The following MUC5AC variants were observed in gnomAD, a reference collection of about 807,000 sequenced individuals.
The protein encoded by MUC5AC is mucin-5AC.
A neutral mutation model predicts 169.7 loss-of-function variants in MUC5AC; 158 were observed. The ratio of observed to expected loss-of-function variants is 0.93; its 90% CI spans 0.82 to 1.06. The LOEUF is 1.06. MUC5AC is among the 50% of genes least tolerant of loss of function. The probability of loss-of-function intolerance (pLI) is 0.00; values close to 1 mark genes in which losing one functional copy is unlikely to be tolerated. For synonymous variants in MUC5AC, 1,975 were observed against 1,237.0 expected, an observed-to-expected ratio of 1.60 and a Z score of -12.52; for missense variants, 4,359 against 3,089.9, an observed-to-expected ratio of 1.41 and a Z score of -9.74.
rs1379216338 is a variant in MUC5AC at position 1,182,335 on chromosome 11, G to C, written c.4190G>C (p.Arg1397Pro). 2.5e-6 allele frequency: 1 copy of C among 398,466 alleles called. No individual in the cohort carries two copies. The highest frequency in any genetic ancestry group is 4.4e-6 in the Non-Finnish European group (1 of 226,022). 24.7% of individuals were successfully genotyped at this position (398,466 alleles called of 1,614,324 possible). The change falls in exon 31 of 49, where the codon CGC becomes CCC. Residue 1397 changes from arginine (R) to proline (P), a missense_variant. Coordinates refer to ENST00000621226, the MANE Select transcript of MUC5AC (RefSeq NM_001304359.2). ...CLWSPWMDVS[R>P]PGRGTDSGDF... ...TGGTCGCCATGGATGGATGTCAGCC[G>C]CCCTGGACGGGGCACGGACAGCGGT...
At position 1,192,416 on chromosome 11, in the gene MUC5AC, C is replaced by G; in HGVS notation, c.14271C>G (p.Ser4757=). ...LYPSLSTSMV[S]ASVASTSVAS... ...CTTCCCTGTCTACTTCCATGGTATC[C>G]GCCTCCGTGGCATCCACCTCTGTGG... The change falls in exon 31 of 49, where the codon TCC becomes TCG. Residue 4757 remains serine (S), a synonymous_variant. Transcript: ENST00000621226. 1 of 765,150 alleles carries G rather than the reference C, an allele frequency of 1.3e-6. No individual in the cohort carries two copies. The highest frequency in any genetic ancestry group is 2.4e-6 in the Non-Finnish European group (1 of 417,906). 47.4% of individuals were successfully genotyped at this position (765,150 alleles called of 1,614,324 possible).
In MUC5AC at chr11:1,198,919, G is replaced by A; in HGVS notation, c.16219G>A (p.Glu5407Lys). 1 of 760,068 alleles carries A rather than the reference G, an allele frequency of 1.3e-6. No individual in the cohort carries two copies. The highest frequency in any genetic ancestry group is 1.7e-5 in the African/African-American group (1 of 59,038). 47.1% of individuals were successfully genotyped at this position (760,068 alleles called of 1,614,324 possible). A position where few individuals can be genotyped will look rare whatever the true frequency, so the allele number is the denominator to read the frequency against. ...SSSLCETCRCELPGGPPSDAF... is the reference protein window; with the variant it reads ...SSSLCETCRCKLPGGPPSDAF... ...GAGCCTGTGCGAAACCTGCAGGTGT[G>A]AGCTGCCGGGTGGCCCCCCATCGGA... Residue 5407 changes from glutamate (E) to lysine (K), a missense_variant, in exon 44 of 49, where the codon GAG becomes AAG. Glu to Lys is a moderately conservative substitution (Grantham distance 56). Transcript: ENST00000621226.
chr11:1,191,943 A>G lies in MUC5AC; in HGVS notation c.13798A>G (p.Ser4600Gly). The G allele has an allele frequency of 1.3e-6, 1 of 765,276 alleles. No homozygotes were observed. Among genetic ancestry groups the G allele is most frequent in the South Asian group, 1.3e-5 (1 of 74,612 alleles). The allele number at this position is 765,276 out of a possible 1,614,324, so 47.4% of individuals were successfully genotyped here. Reference sequence around the variant, plus strand: ...TACTCCCAGCCCCGTTCCCACCACCAGCACAACCCCTGTTTCAAAGACCAG... The same window carrying G: ...TACTCCCAGCCCCGTTCCCACCACCGGCACAACCCCTGTTTCAAAGACCAG... ...GTTPSPVPTT[S>G]TTPVSKTSTS... Residue 4600 changes from serine (S) to glycine (G), a missense_variant, in exon 31 of 49, where the codon AGC becomes GGC. Coordinates refer to ENST00000621226, the MANE Select transcript of MUC5AC (RefSeq NM_001304359.2).
Position 1,200,759 on chromosome 11 carries a change from C to T in MUC5AC, c.*57C>T, listed in dbSNP as rs3087562. On this transcript the variant is annotated 3_prime_UTR_variant, in exon 49 of 49. Transcript: ENST00000621226. ...GAACCTCCCATATGTCCTCTGAGCT[C>T]GGCTTCCAAGGCCAGTGGAACTTGT... The T allele has an allele frequency of 0.17, 110,688 of 669,628 alleles. 10,726 individuals carry two copies. Among genetic ancestry groups the T allele is most frequent in the Non-Finnish European group, 0.2 (72,388 of 368,902 alleles). The allele number at this position is 669,628 out of a possible 1,614,324, so 41.5% of individuals were successfully genotyped here. A position where few individuals can be genotyped will look rare whatever the true frequency, so the allele number is the denominator to read the frequency against.
rs1860986209 is a variant in MUC5AC, at chr11:1,187,613, C to T, written c.9468C>T (p.Pro3156=). Reference sequence around the variant, plus strand: ...AAACCTCTGGTCCTGGAACCACTCCCAGCCCTGTTCCCACCACCAGCACAA... The same window carrying T: ...AAACCTCTGGTCCTGGAACCACTCCTAGCCCTGTTCCCACCACCAGCACAA... ...ASKTSGPGTT[P]SPVPTTSTIF... is the part of the protein sequence containing the mutation. Residue 3156 remains proline, a synonymous_variant, in exon 31 of 49, where the codon CCC becomes CCT. Transcript: ENST00000621226. The T allele has an allele frequency of 2.6e-6, 2 of 762,560 alleles. No homozygotes were observed. The highest frequency in any genetic ancestry group is 3.4e-5 in the African/African-American group (2 of 58,812). The allele number at this position is 762,560 out of a possible 1,614,324, so 47.2% of individuals were successfully genotyped here.
rs2133764153 is a variant in MUC5AC, at chr11:1,189,603, C to G, written c.11458C>G (p.Gln3820Glu). 1.6e-6 allele frequency: 1 copy of G among 608,806 alleles called. No homozygotes were observed. Among genetic ancestry groups the G allele is most frequent in the East Asian group, 2.7e-5 (1 of 36,560 alleles). 37.7% of individuals were successfully genotyped at this position (608,806 alleles called of 1,614,324 possible). A position where few individuals can be genotyped will look rare whatever the true frequency, so the allele number is the denominator to read the frequency against. The change falls in exon 31 of 49, where the codon CAG (glutamine) becomes GAG (glutamate). Residue 3820 changes from glutamine (Q) to glutamate (E), a missense_variant. Coordinates refer to ENST00000621226, the MANE Select transcript of MUC5AC (RefSeq NM_001304359.2). ...TACAACCAGCACAACCTCCACTCCG[C>G]AGACCAGCACAACCTCTTCCCCTAC... is the stretch of plus-strand genomic sequence containing the variant. ...SPTTSTTSTPQTSTTSSPTTS... is the reference protein window; with the variant it reads ...SPTTSTTSTPETSTTSSPTTS...
Position 1,186,727 on chromosome 11 carries a change from C to A in MUC5AC, c.8582C>A (p.Thr2861Asn). ...STTSAPTTRT[T>N]SVPTSSTTST... ...ACCTCTGCCCCTACAACCAGAACAA[C>A]CTCTGTCCCTACAAGCAGCACAACC... is the stretch of plus-strand genomic sequence containing the variant. The change falls in exon 31 of 49, where the codon ACC becomes AAC. Residue 2861 changes from threonine (T) to asparagine (N), a missense_variant. Coordinates refer to ENST00000621226, the MANE Select transcript of MUC5AC (RefSeq NM_001304359.2). 1.4e-6 allele frequency: 1 copy of A among 729,906 alleles called. No individual in the cohort carries two copies. Among genetic ancestry groups the A allele is most frequent in the African/African-American group, 1.7e-5 (1 of 57,572 alleles). 45.2% of individuals were successfully genotyped at this position (729,906 alleles called of 1,614,324 possible).
Position 1,191,903 on chromosome 11 carries a change from C to T in MUC5AC, c.13758C>T (p.Thr4586=), listed in dbSNP as rs568018790. The T allele has an allele frequency of 1.2e-5, 9 of 764,926 alleles. No homozygotes were observed. The highest frequency in any genetic ancestry group is 6.7e-5 in the South Asian group (5 of 74,558). 47.4% of individuals were successfully genotyped at this position (764,926 alleles called of 1,614,324 possible). ...CCTCTGCTCCTACAACCAGCACGAC[C>T]TCTGGTCCTGGAACTACTCCCAGCC... The part of the protein sequence containing the change: ...STTSAPTTST[T]SGPGTTPSPV... Residue 4586 remains threonine (T), a synonymous_variant, in exon 31 of 49, where the codon ACC becomes ACT. Transcript: ENST00000621226.
At position 1,191,123 on chromosome 11, in the gene MUC5AC, C is replaced by A; in HGVS notation, c.12978C>A (p.Thr4326=). The A allele has an allele frequency of 1.4e-6, 1 of 694,476 alleles. No homozygotes were observed. The highest frequency in any genetic ancestry group is 1.5e-5 in the South Asian group (1 of 65,478). The allele number at this position is 694,476 out of a possible 1,614,324, so 43.0% of individuals were successfully genotyped here. A position where few individuals can be genotyped will look rare whatever the true frequency, so the allele number is the denominator to read the frequency against. The change falls in exon 31 of 49, where the codon ACC becomes ACA. Residue 4326 remains threonine (T), a synonymous_variant. Coordinates refer to ENST00000621226, the MANE Select transcript of MUC5AC (RefSeq NM_001304359.2). ...GAACTACTCCCAGCCCTGTTCCCAC[C>A]ACCAGCACAACCTCTGCTCCTATAA... ...GPGTTPSPVP[T]TSTTSAPITS...
Position 1,189,773 on chromosome 11 carries a change from A to G in MUC5AC, c.11628A>G (p.Thr3876=), listed in dbSNP as rs1323510906. 1.4e-5 allele frequency: 10 copies of G among 690,106 alleles called. No individual in the cohort carries two copies. The East Asian group carries it at 2.6e-4, about 18-fold the overall frequency. 42.7% of individuals were successfully genotyped at this position (690,106 alleles called of 1,614,324 possible). The change falls in exon 31 of 49, where the codon ACA becomes ACG. Residue 3876 remains threonine (T), a synonymous_variant. Transcript: ENST00000621226. ...CAGCCAGCACAATCTCTGCCCCTAC[A>G]ACCAGCACAACCTCTTTCCATACAA... is the stretch of plus-strand genomic sequence containing the variant. The part of the protein sequence containing the change: ...APTASTISAP[T]TSTTSFHTTS...
chr11:1,164,705 C>G (rs533803529), intron 9 of MUC5AC, among the ~76,000 whole-genome samples, 173 bp downstream of exon 9: 8 of 151,456 alleles, frequency 5.3e-5, no homozygotes, highest in Admixed American at 3.3e-4. Context: ...GTCCTGGGCC[C>G]CCTGAGGCTG....
At position 1,192,442 on chromosome 11, in the gene MUC5AC, C is replaced by A. The variant is rs1564917344; in HGVS notation, c.14297C>A (p.Ala4766Glu). 2 of 764,866 alleles carry A rather than the reference C, an allele frequency of 2.6e-6. No homozygotes were observed. Among genetic ancestry groups the A allele is most frequent in the Non-Finnish European group, 4.8e-6 (2 of 417,726 alleles). 47.4% of individuals were successfully genotyped at this position (764,866 alleles called of 1,614,324 possible). ...VSASVASTSV[A>E]SSSVASSSVA... ...GCCTCCGTGGCATCCACCTCTGTGG[C>A]ATCCAGCTCTGTGGCATCCAGCTCT... Residue 4766 changes from alanine (A) to glutamate (E), a missense_variant, in exon 31 of 49, where the codon GCA becomes GAA. Coordinates refer to ENST00000621226, the MANE Select transcript of MUC5AC (RefSeq NM_001304359.2).
intron 35 of MUC5AC, 115 bp from the exon 36 acceptor site, chr11:1,194,897 C>A (rs948366775): frequency 1.3e-5 from 8 of 629,666 alleles, no homozygotes; most frequent in Non-Finnish European, 2.0e-5. Context: ...ACAGGCAGGG[C>A]CCGCTGCAGT....
chr11:1,201,119 T>C lies in MUC5AC; in HGVS notation c.*417T>C, dbSNP rs539925577. The C allele has an allele frequency of 2.2e-3, 371 of 166,888 alleles. 4 individuals carry two copies. Among genetic ancestry groups the C allele is most frequent in the African/African-American group, 8.6e-3 (362 of 42,182 alleles). The allele number at this position is 166,888 out of a possible 1,614,324, so 10.3% of individuals were successfully genotyped here. On this transcript the variant is annotated 3_prime_UTR_variant, in exon 49 of 49. Transcript: ENST00000621226. ...GTACACGGCCAATCTGTTGCATAAA[T>C]ACACTTGAGCATTTTGCAATTTGTG...
intron 11 of MUC5AC, among the ~76,000 whole-genome samples, chr11:1,166,359 G>C (rs1274655514): frequency 7.0e-6 from 1 of 143,316 alleles, no homozygotes; most frequent in Non-Finnish European, 1.5e-5. Flanking sequence ...CCTATGGTGA[G>C]ACCCTGCACC....
chr11:1,165,500 C>A, intron 10 of MUC5AC, 81 bp downstream of exon 10: 1 of 1,578,416 alleles, frequency 6.3e-7, no homozygotes, highest in Non-Finnish European at 8.6e-7. Flanking sequence ...GGCCGGCAGG[C>A]TCCCTCGTCT....
intron 30 of MUC5AC, 58 bp from the exon 31 acceptor site, chr11:1,182,097 G>T: frequency 4.1e-6 from 1 of 246,342 alleles, no homozygotes; most frequent in Non-Finnish European, 6.3e-6. Flanking sequence ...GCAGGGAGGG[G>T]CGGGCGGCCC....
rs1860929076 is a variant in MUC5AC, at chr11:1,185,835, A to G, written c.7690A>G (p.Thr2564Ala). The G allele has an allele frequency of 1.1e-5, 8 of 749,102 alleles. No individual in the cohort carries two copies. Among genetic ancestry groups the G allele is most frequent in the Non-Finnish European group, 2.0e-5 (8 of 410,064 alleles). The allele number at this position is 749,102 out of a possible 1,614,324, so 46.4% of individuals were successfully genotyped here. Residue 2564 changes from threonine (T) to alanine (A), a missense_variant, in exon 31 of 49, where the codon ACA becomes GCA. Coordinates refer to ENST00000621226, the MANE Select transcript of MUC5AC (RefSeq NM_001304359.2). ...CACAACCTCTGCCACTACAACCAGC[A>G]CAACCTCTGGTCCTGGAACTACTCC... ...SSTTSATTTS[T>A]TSGPGTTPSP...
rs1175287820 is a variant in MUC5AC at position 1,189,288 on chromosome 11, A to G, written c.11143A>G (p.Thr3715Ala). ...TGCCCCTACAACCAGCACAACCTCCACTCCACAGACCACCACATCCTCTGC... is the reference window on the plus strand; with the variant it reads ...TGCCCCTACAACCAGCACAACCTCCGCTCCACAGACCACCACATCCTCTGC... ...TSAPTTSTTS[T>A]PQTTTSSAPT... The change falls in exon 31 of 49, where the codon ACT (threonine) becomes GCT (alanine). Residue 3715 changes from threonine to alanine, a missense_variant. Physicochemically the swap from Thr to Ala is moderately conservative, Grantham distance 58. Transcript: ENST00000621226. 2 of 572,524 alleles carry G rather than the reference A, an allele frequency of 3.5e-6. No homozygotes were observed. Among genetic ancestry groups the G allele is most frequent in the East Asian group, 2.8e-5 (1 of 35,702 alleles). The allele number at this position is 572,524 out of a possible 1,614,324, so 35.5% of individuals were successfully genotyped here. A position where few individuals can be genotyped will look rare whatever the true frequency, so the allele number is the denominator to read the frequency against.
Sources: gnomAD v4.1 joint callset for allele counts (sites outside exome capture counted in the v4.1 genomes callset) on GRCh38, gnomAD v4.1.1 for gene constraint, MANE v1.5 for transcripts, NCBI Gene and HGNC (gene_info 2026-07-23, HGNC 2026-07-21) for gene names.